The following HMCN2 variants were observed in gnomAD, a reference collection of about 807,000 sequenced individuals.
HMCN2 encodes hemicentin-2.
In HMCN2, 325 loss-of-function variants were observed where a neutral mutation model predicts 377.5. The observed-to-expected ratio is 0.86, with a 90% CI of 0.79 to 0.94. The LOEUF is 0.94. Ranked by LOEUF, HMCN2 falls within the 40% of genes least tolerant of loss-of-function variation. The pLI is 0.00. For missense variants in HMCN2, 4,543 were observed against 4,725.3 expected, an observed-to-expected ratio of 0.96 and a Z score of 1.13; for synonymous variants, 2,007 against 2,046.8, an observed-to-expected ratio of 0.98 and a Z score of 0.53.
chr9:130,354,907 G>A lies in HMCN2; in HGVS notation c.5009G>A (p.Ser1670Asn). 1.5e-6 allele frequency: 2 copies of A among 1,304,200 alleles called. No homozygotes were observed. The highest frequency in any genetic ancestry group is 2.0e-6 in the Non-Finnish European group (2 of 988,948). The allele number at this position is 1,304,200 out of a possible 1,614,324, so 80.8% of individuals were successfully genotyped here. A position where few individuals can be genotyped will look rare whatever the true frequency, so the allele number is the denominator to read the frequency against. ...CACGAGGGGCTGCCCGTGGCAGAGA[G>A]CAACGAGTCGCGGCTGGAGACAGAC... ...WHHEGLPVAE[S>N]NESRLETDGS... The change falls in exon 32 of 98, where the codon AGC becomes AAC. Residue 1670 changes from serine to asparagine, a missense_variant. By Grantham distance (46) the Ser-to-Asn change is conservative (BLOSUM62 1). Around this residue, in one of 5 missense-constraint regions of HMCN2, gnomAD observed 1,032 missense variants for 1,285.1 expected, o/e 0.80. Coordinates refer to ENST00000683500, the MANE Select transcript of HMCN2 (RefSeq NM_001291815.2).
intron 40 of HMCN2, among the ~76,000 whole-genome samples, chr9:130,363,505 T>TG (rs1171700140): frequency 1.3e-5 from 2 of 152,112 alleles, no homozygotes; most frequent in African/African-American, 4.8e-5. Context: ...TGGGTTTTTC[T>TG]GGGGCTCTGT....
chr9:130,368,520 G>A (rs1483502499), intron 44 of HMCN2, 83 bp downstream of exon 44: 12 of 786,692 alleles, frequency 1.5e-5, no homozygotes, highest in Admixed American at 6.2e-5. Flanking sequence ...GAGCAAATAC[G>A]GGGAAGTGAT....
At position 130,424,861 on chromosome 9, in the gene HMCN2, C is replaced by A; in HGVS notation, c.13467C>A (p.His4489Gln). ...AGAGTGGGGAAGCCCTGAATGGCCA[C>A]TCTCTGACTGGGGGCAGGTTCCGGC... Reference protein sequence around the residue: ...ARESGEALNGHSLTGGRFRQE... With the variant: ...ARESGEALNGQSLTGGRFRQE... Residue 4489 changes from histidine (H) to glutamine (Q), a missense_variant, in exon 88 of 98, where the codon CAC becomes CAA. Transcript: ENST00000683500. 6.8e-7 allele frequency: 1 copy of A among 1,471,712 alleles called. No individual in the cohort carries two copies. The highest frequency in any genetic ancestry group is 9.0e-7 in the Non-Finnish European group (1 of 1,105,936). The allele number at this position is 1,471,712 out of a possible 1,614,324, so 91.2% of individuals were successfully genotyped here.
chr9:130,300,956 C>T (rs932164320), intron 8 of HMCN2, among the ~76,000 whole-genome samples: 8 of 152,204 alleles, frequency 5.3e-5, no homozygotes, highest in Non-Finnish European at 7.3e-5. Flanking sequence ...GGAGGTGGCC[C>T]GAGGGGAGCT....
intron 85 of HMCN2, among the ~76,000 whole-genome samples, chr9:130,411,616 AAAG>A (rs1564870005): frequency 6.6e-6 from 1 of 151,882 alleles, no homozygotes; most frequent in Non-Finnish European, 1.5e-5. Flanking sequence ...AAAAAAAAAA[AAAG>A]AACAAAAGGA....
At position 130,265,859 on chromosome 9, in the gene HMCN2, C is replaced by T; in HGVS notation, c.-20C>T. The T allele has an allele frequency of 1.2e-5, 4 of 337,654 alleles. No individual in the cohort carries two copies. Among genetic ancestry groups the T allele is most frequent in the South Asian group, 8.8e-5 (4 of 45,292 alleles). 20.9% of individuals were successfully genotyped at this position (337,654 alleles called of 1,614,324 possible). A position where few individuals can be genotyped will look rare whatever the true frequency, so the allele number is the denominator to read the frequency against. ...ACCTGCGCCTCCACCGCAGCACCCG[C>T]AGCCAGAGCCGCGCTCGGCATGATG... is the stretch of plus-strand genomic sequence containing the variant. On this transcript the variant is annotated 5_prime_UTR_variant, in exon 1 of 98. Coordinates refer to ENST00000683500, the MANE Select transcript of HMCN2 (RefSeq NM_001291815.2).
intron 23 of HMCN2, among the ~76,000 whole-genome samples, chr9:130,340,480 G>A (rs2131472560): frequency 6.6e-6 from 1 of 151,314 alleles, no homozygotes; most frequent in South Asian, 2.1e-4. Context: ...CCTTGCCTCA[G>A]TTTCCCCTGT....
chr9:130,353,155 C>G lies in HMCN2; in HGVS notation c.4814C>G (p.Ala1605Gly). ...GATGCCGGCGTCTACACCTGCAAGG[C>G]CAGCAATGCTGTGGGGGCCGCAGAG... ...SSDAGVYTCK[A>G]SNAVGAAEKA... The change falls in exon 31 of 98, where the codon GCC (alanine) becomes GGC (glycine). Residue 1605 changes from alanine (A) to glycine (G), a missense_variant. Physicochemically the swap from Ala to Gly is moderately conservative, Grantham distance 60 (BLOSUM62 0). Coordinates refer to ENST00000683500, the MANE Select transcript of HMCN2 (RefSeq NM_001291815.2). The G allele has an allele frequency of 7.7e-7, 1 of 1,304,178 alleles. No individual in the cohort carries two copies. The highest frequency in any genetic ancestry group is 1.2e-5 in the South Asian group (1 of 81,028). 80.8% of individuals were successfully genotyped at this position (1,304,178 alleles called of 1,614,324 possible). A position where few individuals can be genotyped will look rare whatever the true frequency, so the allele number is the denominator to read the frequency against.
At chr9:130,339,222 T>C (rs1838921231) in intron 23 of HMCN2, among the ~76,000 whole-genome samples, 2 of 152,170 alleles carry the variant, frequency 1.3e-5, no homozygotes, top group South Asian at 2.1e-4. Flanking sequence ...TGTTTATAAA[T>C]ACAAGTTTTA....
intron 1 of HMCN2, among the ~76,000 whole-genome samples, chr9:130,268,175 A>G (rs10988667): frequency 0.8 from 121,107 of 152,108 alleles, 48,862 homozygotes; most frequent in African/African-American, 0.94. Flanking sequence ...GGTTCCTGAG[A>G]CTGTCCTCGC....
intron 15 of HMCN2, among the ~76,000 whole-genome samples, chr9:130,314,430 T>G (rs1837432063): frequency 6.6e-6 from 1 of 152,242 alleles, no homozygotes; most frequent in Non-Finnish European, 1.5e-5. Flanking sequence ...CCTGCATCAT[T>G]CATGTCTTTG....
Position 130,422,557 on chromosome 9 carries a change from A to G in HMCN2, c.13232-20A>G. ...GGGGTGGATAGTCAGTGGCACTGTCATTCTTTCCCTTCCTTACAGGGGAGC... is the reference window on the plus strand; with the variant it reads ...GGGGTGGATAGTCAGTGGCACTGTCGTTCTTTCCCTTCCTTACAGGGGAGC... On this transcript the variant is annotated intron_variant, in intron 86 of 97. Transcript: ENST00000683500. This position sits in a 1 kb window ranked among gnomAD's most constrained non-coding sequence, Gnocchi z 4.2. The G allele has an allele frequency of 7.6e-7, 1 of 1,315,624 alleles. No individual in the cohort carries two copies. Among genetic ancestry groups the G allele is most frequent in the Non-Finnish European group, 9.7e-7 (1 of 1,025,912 alleles). 81.5% of individuals were successfully genotyped at this position (1,315,624 alleles called of 1,614,324 possible).
chr9:130,337,637 G>T (rs1838823838), intron 22 of HMCN2, among the ~76,000 whole-genome samples: 2 of 152,094 alleles, frequency 1.3e-5, no homozygotes, highest in South Asian at 4.1e-4. Flanking sequence ...CAGCTAGGAA[G>T]GATTTAGAGT....
At chr9:130,273,750 A>G (rs10988671) in intron 1 of HMCN2, among the ~76,000 whole-genome samples, 34,435 of 152,190 alleles carry the variant, frequency 0.23, 4,090 homozygotes, top group African/African-American at 0.28. Flanking sequence ...CGCCTGCCTC[A>G]GCCTCCCAAA....
rs1844410427 is a variant in HMCN2, at chr9:130,426,915, C to T, written c.13880-398C>T. ...CCTTGTGTCCTTCCTGCCTCCAGAA[C>T]CCAGCTCACCCCTCCCCTGCCTTTG... On this transcript the variant is annotated intron_variant, in intron 90 of 97. Transcript: ENST00000683500. 3.3e-5 allele frequency among the ~76,000 whole-genome samples: 5 copies of T among 152,256 alleles called. No individual in the cohort carries two copies. In the South Asian group the frequency reaches 1.0e-3, roughly 32 times the overall value.
intron 84 of HMCN2, 113 bp downstream of exon 84, chr9:130,409,046 C>A: frequency 1.5e-6 from 1 of 647,558 alleles, no homozygotes; most frequent in Non-Finnish European, 2.3e-6. Context: ...GTGTACAAAG[C>A]ACCTCCCTGC....
At chr9:130,359,106 G>T (rs951718432) in intron 36 of HMCN2, among the ~76,000 whole-genome samples, 2 of 152,210 alleles carry the variant, frequency 1.3e-5, no homozygotes, top group African/African-American at 4.8e-5. Context: ...GCTGGGTGCT[G>T]TATGATTGCC....
chr9:130,315,092 G>A (rs1052452421), intron 15 of HMCN2, among the ~76,000 whole-genome samples: 1 of 151,560 alleles, frequency 6.6e-6, no homozygotes, highest in South Asian at 2.1e-4. Flanking sequence ...CTCTGAGAGC[G>A]CCTCCTGCAG....
chr9:130,373,835 G>C (rs1470093625), intron 48 of HMCN2, among the ~76,000 whole-genome samples: 1 of 140,278 alleles, frequency 7.1e-6, no homozygotes, highest in Non-Finnish European at 1.5e-5. Context: ...ATGGGTGGAT[G>C]AATGAATGAG....
Sources: gnomAD v4.1 joint callset for allele counts (sites outside exome capture counted in the v4.1 genomes callset) on GRCh38, gnomAD v4.1.1 for gene constraint, gnomAD v4.1.1 regional missense constraint, Gnocchi (gnomAD v3.1) non-coding constraint, MANE v1.5 for transcripts, NCBI Gene and HGNC (gene_info 2026-07-23, HGNC 2026-07-21) for gene names.